EPHA3: variants seen among roughly 807,000 people sequenced by gnomAD.
EPHA3 encodes EPH receptor A3, also known as ephrin type-A receptor 3.
Under a neutral mutation model 107.1 loss-of-function variants are expected in EPHA3, and 42 were observed. The ratio of observed to expected loss-of-function variants is 0.39; its 90% CI spans 0.31 to 0.51. The LOEUF is 0.51. EPHA3 is among the 20% of genes least tolerant of loss of function. EPHA3 has a pLI of 0.78. For synonymous variants in EPHA3, 461 were observed against 424.8 expected, an observed-to-expected ratio of 1.09 and a Z score of -1.05; for missense variants, 1,183 against 1,211.2, an observed-to-expected ratio of 0.98 and a Z score of 0.35.
intron 2 of EPHA3, among the ~76,000 whole-genome samples, chr3:89,168,527 T>A (rs974031051): frequency 6.6e-6 from 1 of 152,098 alleles, no homozygotes; most frequent in Non-Finnish European, 1.5e-5. Context: ...TGTTAAGAGT[T>A]TAAACTATGA....
intron 2 of EPHA3, among the ~76,000 whole-genome samples, chr3:89,159,882 G>A (rs755451598): frequency 4.0e-5 from 6 of 151,826 alleles, no homozygotes. Flanking sequence ...ACACCAACTA[G>A]GCTTTATATG....
At chr3:89,351,611 C>T (rs548620499) in intron 5 of EPHA3, among the ~76,000 whole-genome samples, 24 of 151,366 alleles carry the variant, frequency 1.6e-4, no homozygotes, top group African/African-American at 5.8e-4. Context: ...TAGACCGGAG[C>T]TGTTCCTATT....
chr3:89,149,959 C>T (rs1362339778), intron 2 of EPHA3, among the ~76,000 whole-genome samples: 5 of 151,670 alleles, frequency 3.3e-5, no homozygotes, highest in Non-Finnish European at 1.5e-5. Context: ...GTAAAAGCAC[C>T]GAAATATATT....
At chr3:89,211,092 C>T (rs1704065234) in intron 3 of EPHA3, among the ~76,000 whole-genome samples, 1 of 152,018 alleles carries the variant, frequency 6.6e-6, no homozygotes, top group Non-Finnish European at 1.5e-5. Flanking sequence ...TTAATGTATA[C>T]AGGCATGATT....
chr3:89,395,740 A>G, intron 5 of EPHA3, 97 bp from the exon 6 acceptor site: 1 of 1,425,590 alleles, frequency 7.0e-7, no homozygotes, highest in South Asian at 1.3e-5. Flanking sequence ...GATAGACTCC[A>G]TTTGCATGTT....
chr3:89,172,316 A>C (rs1447565161), intron 2 of EPHA3, among the ~76,000 whole-genome samples: 1 of 152,104 alleles, frequency 6.6e-6, no homozygotes, highest in African/African-American at 2.4e-5. Context: ...CTAGATGTTT[A>C]GTGGCAGCAG....
chr3:89,295,752 G>A (rs1320982155), intron 3 of EPHA3, among the ~76,000 whole-genome samples: 4 of 151,890 alleles, frequency 2.6e-5, no homozygotes, highest in African/African-American at 2.4e-5. Flanking sequence ...CACCACACCC[G>A]GCTAATTTTT....
At chr3:89,263,803 G>A (rs1299559723) in intron 3 of EPHA3, among the ~76,000 whole-genome samples, 2 of 152,112 alleles carry the variant, frequency 1.3e-5, no homozygotes, top group South Asian at 2.1e-4. Context: ...ATTTTGGGCC[G>A]TGGTTTCAGG....
rs145971188 is a variant in EPHA3, at chr3:89,255,674, G to C, written c.814+45154G>C. On this transcript the variant is annotated intron_variant, in intron 3 of 16. Coordinates refer to ENST00000336596, the MANE Select transcript of EPHA3 (RefSeq NM_005233.6). ...CTAACACTTTGGGAGGCCAAGGCAG[G>C]TGGATTGCCTGAGGTGAGGGGTTCA... Among the ~76,000 whole-genome samples the C allele has an allele frequency of 4.3e-3, 650 of 152,236 alleles. 3 individuals carry two copies. Among genetic ancestry groups the C allele is most frequent in the African/African-American group, 0.015 (628 of 41,542 alleles).
chr3:89,264,162 T>C (rs1014238924), intron 3 of EPHA3, among the ~76,000 whole-genome samples: 1 of 152,212 alleles, frequency 6.6e-6, no homozygotes. Flanking sequence ...GGGTGTGATC[T>C]ATCCTGGGGC....
chr3:89,235,744 C>A (rs1444065102), intron 3 of EPHA3, among the ~76,000 whole-genome samples: 1 of 151,570 alleles, frequency 6.6e-6, no homozygotes, highest in Non-Finnish European at 1.5e-5. Flanking sequence ...TTGCTGAATT[C>A]TTAACACCAC....
intron 3 of EPHA3, among the ~76,000 whole-genome samples, chr3:89,273,879 A>G (rs574319600): frequency 9.9e-5 from 15 of 152,088 alleles, no homozygotes; most frequent in African/African-American, 2.4e-4. Flanking sequence ...ATTTAGGAAC[A>G]CTGGCTGACA....
At chr3:89,283,937 T>C (rs1433243365) in intron 3 of EPHA3, among the ~76,000 whole-genome samples, 1 of 152,156 alleles carries the variant, frequency 6.6e-6, no homozygotes, top group Non-Finnish European at 1.5e-5. Flanking sequence ...AGTTTTTAGT[T>C]ATGTATTTTA....
At chr3:89,394,425 C>A (rs1708808122) in intron 5 of EPHA3, among the ~76,000 whole-genome samples, 1 of 152,132 alleles carries the variant, frequency 6.6e-6, no homozygotes, top group Non-Finnish European at 1.5e-5. Context: ...AAGATTAAGT[C>A]ATCATTCCCA....
At chr3:89,183,031 A>G (rs1705481219) in intron 2 of EPHA3, among the ~76,000 whole-genome samples, 1 of 151,976 alleles carries the variant, frequency 6.6e-6, no homozygotes, top group Non-Finnish European at 1.5e-5. Context: ...AAAACTGATT[A>G]CAAATGTGAT....
At chr3:89,339,847 G>C (rs889756215) in intron 3 of EPHA3, among the ~76,000 whole-genome samples, 3 of 152,046 alleles carry the variant, frequency 2.0e-5, no homozygotes, top group African/African-American at 7.2e-5. Context: ...AAATCATCAA[G>C]TCCAAATGTG....
intron 1 of EPHA3, among the ~76,000 whole-genome samples, chr3:89,112,536 T>C (rs1707134734): frequency 6.6e-6 from 1 of 151,892 alleles, no homozygotes; most frequent in Non-Finnish European, 1.5e-5. Context: ...TTTTCGGAAA[T>C]AAAATATATG....
At chr3:89,454,474 A>T (rs1019624633) in intron 15 of EPHA3, among the ~76,000 whole-genome samples, 4 of 151,850 alleles carry the variant, frequency 2.6e-5, no homozygotes, top group African/African-American at 9.7e-5. Flanking sequence ...ATCCCTTTTC[A>T]CTGAAAACAC....
intron 15 of EPHA3, among the ~76,000 whole-genome samples, chr3:89,453,618 C>T (rs1710038883): frequency 6.6e-6 from 1 of 152,052 alleles, no homozygotes; most frequent in Non-Finnish European, 1.5e-5. Flanking sequence ...TAGATTTTGT[C>T]ATAATACATT....
Sources: gnomAD v4.1 joint callset for allele counts (sites outside exome capture counted in the v4.1 genomes callset) on GRCh38, gnomAD v4.1.1 for gene constraint, MANE v1.5 for transcripts, NCBI Gene and HGNC (gene_info 2026-07-23, HGNC 2026-07-21) for gene names.